The following SLC2A9 variants were observed in gnomAD, a reference collection of about 807,000 sequenced individuals.
The protein encoded by SLC2A9 is solute carrier family 2 member 9, also known as solute carrier family 2, facilitated glucose transporter member 9.
A neutral mutation model predicts 50.6 loss-of-function variants in SLC2A9; 39 were observed. The ratio of observed to expected loss-of-function variants is 0.77; its 90% CI spans 0.60 to 1.01. The LOEUF (loss-of-function observed/expected upper bound fraction) is 1.01, where lower values mean the gene tolerates loss of function less well. SLC2A9 is among the 50% of genes least tolerant of loss of function. The pLI is 0.00. For synonymous variants in SLC2A9, 324 were observed against 276.9 expected (o/e 1.17, Z -1.69); for missense variants, 686 against 677.6 (o/e 1.01, Z -0.14).
intron 1 of SLC2A9, among the ~76,000 whole-genome samples, chr4:10,020,493 A>T (rs559114899): frequency 6.6e-6 from 1 of 152,292 alleles, no homozygotes; most frequent in East Asian, 1.9e-4. Flanking sequence ...AGCCTTGGGG[A>T]TGGGTGCTGC....
At chr4:10,022,264 C>T (rs74981841), upstream of SLC2A9, among the ~76,000 whole-genome samples, 1 of 152,216 alleles carries the variant, frequency 6.6e-6, no homozygotes, top group Non-Finnish European at 1.5e-5. Flanking sequence ...TTCTGAAGCT[C>T]AAATAGAAAA....
intron 5 of SLC2A9, among the ~76,000 whole-genome samples, chr4:9,950,930 T>C (rs1018234267): frequency 2.1e-5 from 3 of 143,694 alleles, no homozygotes; most frequent in African/African-American, 5.0e-5. Context: ...GAAAACAGTA[T>C]GGAGATTTCT....
chr4:9,987,323 T>A (rs1756900516), intron 3 of SLC2A9, among the ~76,000 whole-genome samples: 1 of 152,168 alleles, frequency 6.6e-6, no homozygotes, highest in Non-Finnish European at 1.5e-5. Context: ...TTTCACCATG[T>A]TGGCCAGGAT....
intron 2 of SLC2A9, among the ~76,000 whole-genome samples, chr4:10,011,667 TA>T (rs1761783020): frequency 2.6e-5 from 4 of 151,880 alleles, no homozygotes; most frequent in Admixed American, 2.6e-4. Context: ...CAGGATGTTT[TA>T]GACAGACAGG....
Position 9,970,256 on chromosome 4 carries a change from G to A in SLC2A9, c.681+10336C>T, listed in dbSNP as rs563454365. ...GCTTTGCGTGCACTCCTAGACTCCA[G>A]TGGGGATGGAGAGAAGACATTCCTG... On this transcript the variant is annotated intron_variant, in intron 5 of 11. Coordinates refer to ENST00000264784, the MANE Select transcript of SLC2A9 (RefSeq NM_020041.3). 2.0e-5 allele frequency among the ~76,000 whole-genome samples: 3 copies of A among 152,340 alleles called. No individual in the cohort carries two copies. The South Asian group carries it at 6.2e-4, about 32-fold the overall frequency.
chr4:9,938,284 T>TC (rs945229305), intron 6 of SLC2A9, among the ~76,000 whole-genome samples: 2 of 149,980 alleles, frequency 1.3e-5, no homozygotes, highest in African/African-American at 4.9e-5. Flanking sequence ...TTTTTTTTTT[T>TC]TTTTTGAGAT....
At chr4:9,996,104 T>C (rs1392567371) in intron 3 of SLC2A9, 1 of 153,878 alleles carries the variant, frequency 6.5e-6, no homozygotes, top group Non-Finnish European at 1.4e-5. Context: ...AGTGAGCTGA[T>C]TGGAGAGGGC....
chr4:9,996,757 A>C (rs763991345), intron 3 of SLC2A9, 24 bp downstream of exon 3: 1 of 1,612,268 alleles, frequency 6.2e-7, no homozygotes, highest in Admixed American at 1.7e-5. Context: ...GGGCACCCCC[A>C]GATAGAGACA....
chr4:9,827,640 T>G (rs1363773785), intron 11 of SLC2A9, among the ~76,000 whole-genome samples: 1 of 152,210 alleles, frequency 6.6e-6, no homozygotes, highest in Non-Finnish European at 1.5e-5. Flanking sequence ...TCAGTTTCCA[T>G]GATTGAAAAA....
chr4:9,931,457 G>A (rs1745900014), intron 6 of SLC2A9, among the ~76,000 whole-genome samples: 2 of 152,344 alleles, frequency 1.3e-5, no homozygotes, highest in African/African-American at 4.8e-5. Flanking sequence ...AAGAGACACT[G>A]AGCAGGGGAG....
At chr4:9,895,195 T>C (rs574767878) in intron 8 of SLC2A9, among the ~76,000 whole-genome samples, 4 of 152,286 alleles carry the variant, frequency 2.6e-5, no homozygotes, top group African/African-American at 9.6e-5. Flanking sequence ...CTAAAGTCTC[T>C]TGATGAACCA....
At chr4:9,829,332 C>T (rs1051510752) in intron 11 of SLC2A9, among the ~76,000 whole-genome samples, 1 of 152,026 alleles carries the variant, frequency 6.6e-6, no homozygotes, top group African/African-American at 2.4e-5. Flanking sequence ...TGGACCCCCT[C>T]CTTACACCTT....
intron 10 of SLC2A9, among the ~76,000 whole-genome samples, chr4:9,849,158 G>T (rs997690306): frequency 2.6e-5 from 4 of 152,192 alleles, no homozygotes; most frequent in African/African-American, 9.7e-5. Flanking sequence ...CTTGGGGCAG[G>T]AGTTTGCAGG....
intron 10 of SLC2A9, among the ~76,000 whole-genome samples, chr4:9,837,009 G>A (rs1019522660): frequency 3.3e-5 from 5 of 152,146 alleles, no homozygotes; most frequent in African/African-American, 1.2e-4. Context: ...AATCTCTCCA[G>A]ACCTTTCACC....
At position 9,853,175 on chromosome 4, in the gene SLC2A9, C is replaced by CAAA. The variant is rs35342884; in HGVS notation, c.1292-18170_1292-18168dup. On this transcript the variant is annotated intron_variant, in intron 10 of 11. Coordinates refer to ENST00000264784, the MANE Select transcript of SLC2A9 (RefSeq NM_020041.3). ...TGGGCAACAGAGTGAAACTCCCTCT[C>CAAA]AAAAAAAAAAAAAAAAAAGGCACAG... is the stretch of plus-strand genomic sequence containing the variant. Among the ~76,000 whole-genome samples the CAAA allele has an allele frequency of 6.0e-3, 475 of 79,448 alleles. 3 individuals carry two copies. Among genetic ancestry groups the CAAA allele is most frequent in the African/African-American group, 0.017 (445 of 25,868 alleles). The allele number at this position is 79,448 out of a possible 152,430, so 52.1% of individuals were successfully genotyped here.
At chr4:9,827,588 A>C (rs1445963682) in intron 11 of SLC2A9, among the ~76,000 whole-genome samples, 1 of 152,232 alleles carries the variant, frequency 6.6e-6, no homozygotes, top group African/African-American at 2.4e-5. Context: ...CCTGGATCAC[A>C]TCCTAGATCT....
intron 3 of SLC2A9, among the ~76,000 whole-genome samples, chr4:9,986,692 A>G (rs1756781985): frequency 6.6e-6 from 1 of 152,116 alleles, no homozygotes; most frequent in Non-Finnish European, 1.5e-5. Flanking sequence ...TTGATGAACT[A>G]CAGTACTAAG....
chr4:10,009,866 T>C (rs371628777), intron 2 of SLC2A9: 1 of 152,256 alleles, frequency 6.6e-6, no homozygotes, highest in Admixed American at 6.5e-5. Context: ...GTTTATAATA[T>C]GCATTTGTGT....
intron 7 of SLC2A9, among the ~76,000 whole-genome samples, chr4:9,914,693 C>G (rs971253706): frequency 6.6e-6 from 1 of 152,060 alleles, no homozygotes; most frequent in African/African-American, 2.4e-5. Flanking sequence ...GGATTTGACC[C>G]CAGCAATTGC....
Sources: gnomAD v4.1 joint callset for allele counts (sites outside exome capture counted in the v4.1 genomes callset) on GRCh38, gnomAD v4.1.1 for gene constraint, MANE v1.5 for transcripts, NCBI Gene and HGNC (gene_info 2026-07-23, HGNC 2026-07-21) for gene names.